The following ZNRF2 variants were observed in gnomAD, a reference collection of about 807,000 sequenced individuals.
ZNRF2 encodes E3 ubiquitin-protein ligase ZNRF2.
A neutral mutation model predicts 20.4 loss-of-function variants in ZNRF2; 16 were observed. That is an observed-to-expected ratio of 0.79 (90% CI 0.53 to 1.19). ZNRF2 has a LOEUF of 1.19. Ranked by LOEUF, ZNRF2 falls within the 50% of genes most tolerant of loss-of-function variation. The pLI, the probability that ZNRF2 is intolerant of heterozygous loss-of-function variation, is 0.00. For synonymous variants in ZNRF2, 178 were observed against 144.9 expected (o/e 1.23, Z -1.64); for missense variants, 363 against 332.4 (o/e 1.09, Z -0.72).
At chr7:30,333,190 A>G (rs1320569991) in intron 2 of ZNRF2, among the ~76,000 whole-genome samples, 2 of 150,066 alleles carry the variant, frequency 1.3e-5, no homozygotes, top group Non-Finnish European at 3.0e-5. Flanking sequence ...AGTAGATGGG[A>G]TTACAGGCGC....
chr7:30,326,093 A>G (rs954613116), intron 2 of ZNRF2, among the ~76,000 whole-genome samples: 3 of 152,136 alleles, frequency 2.0e-5, no homozygotes, highest in African/African-American at 7.2e-5. Context: ...CTTTTTGTGT[A>G]ATATATCTAG....
chr7:30,356,677 G>C (rs1302416662), intron 3 of ZNRF2, among the ~76,000 whole-genome samples: 1 of 148,376 alleles, frequency 6.7e-6, no homozygotes, highest in African/African-American at 2.5e-5. Context: ...CCTATAGAAT[G>C]ACAAAAAGTA....
At chr7:30,285,940 C>A in intron 1 of ZNRF2, 114 bp downstream of exon 1, 1 of 1,326,776 alleles carries the variant, frequency 7.5e-7, no homozygotes, top group Non-Finnish European at 9.6e-7. Context: ...GCGCCGGGGG[C>A]TGCCTCCCGG....
At position 30,284,947 on chromosome 7, in the gene ZNRF2, G is replaced by C. The variant is rs545133797; in HGVS notation, c.-411G>C. 40 of 267,462 alleles carry C rather than the reference G, an allele frequency of 1.5e-4. No individual in the cohort carries two copies. The highest frequency in any genetic ancestry group is 9.2e-4 in the African/African-American group (39 of 42,568). 16.6% of individuals were successfully genotyped at this position (267,462 alleles called of 1,614,324 possible). On this transcript the variant is annotated 5_prime_UTR_variant, in exon 1 of 5. Transcript: ENST00000323037. ...GAGCCGGAGGATGGCGGCGGTAGCA[G>C]CGGCCGCCCGAGAGGAGGCGGTGCC...
At chr7:30,300,441 C>A (rs1317581781) in intron 1 of ZNRF2, among the ~76,000 whole-genome samples, 1 of 152,162 alleles carries the variant, frequency 6.6e-6, no homozygotes, top group Non-Finnish European at 1.5e-5. Context: ...GCCACCACAC[C>A]CAGCCAGAAT....
In ZNRF2 at chr7:30,284,851, T is replaced by C. The variant is rs1323423424; in HGVS notation, c.-507T>C. The C allele has an allele frequency of 4.5e-6, 1 of 221,742 alleles. No individual in the cohort carries two copies. Among genetic ancestry groups the C allele is most frequent in the Admixed American group, 6.5e-5 (1 of 15,458 alleles). 13.7% of individuals were successfully genotyped at this position (221,742 alleles called of 1,614,324 possible). A position where few individuals can be genotyped will look rare whatever the true frequency, so the allele number is the denominator to read the frequency against. On this transcript the variant is annotated 5_prime_UTR_variant, in exon 1 of 5. Transcript: ENST00000323037. ...TCTCCGTTAATAACAGCTGGGTGGC[T>C]GGGGGAGGAGGGAAGGTGGCCCCGG...
chr7:30,334,698 TATA>T (rs1191712142), intron 2 of ZNRF2, among the ~76,000 whole-genome samples: 1 of 152,208 alleles, frequency 6.6e-6, no homozygotes, highest in Non-Finnish European at 1.5e-5. Flanking sequence ...GTATGAATCC[TATA>T]ATATGTAAGG....
chr7:30,337,438 A>AT (rs537374414), intron 2 of ZNRF2, among the ~76,000 whole-genome samples: 2 of 152,188 alleles, frequency 1.3e-5, no homozygotes, highest in African/African-American at 2.4e-5. Context: ...GAATATTAGC[A>AT]TTTTTTTGTA....
intron 2 of ZNRF2, among the ~76,000 whole-genome samples, chr7:30,342,891 CT>C (rs1162137061): frequency 1.3e-5 from 2 of 152,086 alleles, no homozygotes; most frequent in East Asian, 1.9e-4. Context: ...GTGTAGAGGA[CT>C]TTTTTCCCCC....
At chr7:30,288,056 CTGAGA>C (rs746796330) in intron 1 of ZNRF2, among the ~76,000 whole-genome samples, 45 of 152,238 alleles carry the variant, frequency 3.0e-4, no homozygotes, top group Admixed American at 3.9e-4. Flanking sequence ...CATTGCCTTA[CTGAGA>C]TTTTTACCTA....
intron 1 of ZNRF2, among the ~76,000 whole-genome samples, chr7:30,303,689 A>G (rs754092331): frequency 2.0e-5 from 3 of 152,182 alleles, no homozygotes; most frequent in Non-Finnish European, 4.4e-5. Context: ...TATTAACTGA[A>G]TTACCCACTG....
chr7:30,360,709 G>A (rs575414419), intron 3 of ZNRF2, among the ~76,000 whole-genome samples: 9 of 152,080 alleles, frequency 5.9e-5, no homozygotes, highest in East Asian at 5.8e-4. Context: ...AACAAAAAGC[G>A]AAAATGTAAA....
Position 30,355,853 on chromosome 7 carries a change from A to G in ZNRF2, c.671+20A>G. 1 of 1,577,528 alleles carries G rather than the reference A, an allele frequency of 6.3e-7. No homozygotes were observed. Among genetic ancestry groups the G allele is most frequent in the Middle Eastern group, 1.7e-4 (1 of 5,980 alleles). On this transcript the variant is annotated intron_variant, in intron 3 of 4. Coordinates refer to ENST00000323037, the MANE Select transcript of ZNRF2 (RefSeq NM_147128.4). Reference sequence around the variant, plus strand: ...TAAAGGGTAAGTTCACCAAGTTGGTATTAGAGTAAAAGATTGTTCTCACAG... The same window carrying G: ...TAAAGGGTAAGTTCACCAAGTTGGTGTTAGAGTAAAAGATTGTTCTCACAG...
chr7:30,357,075 A>C (rs1369740017), intron 3 of ZNRF2, among the ~76,000 whole-genome samples: 1 of 152,196 alleles, frequency 6.6e-6, no homozygotes, highest in Admixed American at 6.5e-5. Context: ...ACATTTCACT[A>C]CGCCTTTCAT....
chr7:30,322,632 A>C (rs112463408), intron 1 of ZNRF2, among the ~76,000 whole-genome samples: 2,164 of 151,972 alleles, frequency 0.014, 18 homozygotes, highest in South Asian at 0.035. Flanking sequence ...ACTGCTGGCC[A>C]ATATAGTCTC....
intron 2 of ZNRF2, among the ~76,000 whole-genome samples, chr7:30,354,747 T>C (rs1031710695): frequency 3.3e-5 from 5 of 152,234 alleles, no homozygotes; most frequent in African/African-American, 1.2e-4. Flanking sequence ...TATAAATTCA[T>C]ATTGCATGTT....
At chr7:30,362,541 T>A in intron 4 of ZNRF2, 85 bp downstream of exon 4, 1 of 725,390 alleles carries the variant, frequency 1.4e-6, no homozygotes, top group Non-Finnish European at 2.2e-6. Flanking sequence ...ATTTACTCAT[T>A]GAGGTGCATG....
intron 1 of ZNRF2, among the ~76,000 whole-genome samples, chr7:30,317,377 T>G (rs897303453): frequency 2.0e-5 from 3 of 152,156 alleles, no homozygotes; most frequent in Admixed American, 6.5e-5. Context: ...AGGAATTCAG[T>G]AGGACAGAGA....
chr7:30,320,238 A>C (rs937777912), intron 1 of ZNRF2, among the ~76,000 whole-genome samples: 35 of 152,096 alleles, frequency 2.3e-4, no homozygotes, highest in African/African-American at 8.2e-4. Flanking sequence ...CTTTCTATAT[A>C]TACATAGAGA....
Sources: gnomAD v4.1 joint callset for allele counts (sites outside exome capture counted in the v4.1 genomes callset) on GRCh38, gnomAD v4.1.1 for gene constraint, MANE v1.5 for transcripts, NCBI Gene and HGNC (gene_info 2026-07-23, HGNC 2026-07-21) for gene names.